Variants in TBC1D22A observed in about 807,000 individuals in gnomAD.
TBC1D22A encodes TBC1 domain family member 22A.
TBC1D22A carries 38 observed loss-of-function variants against 60.2 expected under a neutral mutation model. The observed-to-expected ratio is 0.63, with a 90% confidence interval of 0.49 to 0.83. The LOEUF (loss-of-function observed/expected upper bound fraction) is 0.83. Ranked by LOEUF, TBC1D22A falls within the 40% of genes least tolerant of loss-of-function variation. The probability of loss-of-function intolerance (pLI) is 0.00; values close to 1 mark genes in which losing one functional copy is unlikely to be tolerated. For synonymous variants in TBC1D22A, 302 were observed against 281.7 expected (o/e 1.07, Z -0.72); for missense variants, 628 against 701.0 (o/e 0.90, Z 1.18).
intron 1 of TBC1D22A, chr22:46,789,415 A>G (rs1264445687): frequency 1.1e-5 from 5 of 455,180 alleles, no homozygotes; most frequent in East Asian, 7.5e-5. Context: ...CTCCTGTGAC[A>G]TGCTCTTGTA....
intron 1 of TBC1D22A, among the ~76,000 whole-genome samples, chr22:46,785,635 C>G (rs1410924221): frequency 6.6e-6 from 1 of 152,200 alleles, no homozygotes; most frequent in Non-Finnish European, 1.5e-5. Context: ...CAAGTAACCA[C>G]TAATCTACGT....
At chr22:47,159,483 CACAG>C (rs1225407588) in intron 12 of TBC1D22A, among the ~76,000 whole-genome samples, 1 of 151,738 alleles carries the variant, frequency 6.6e-6, no homozygotes, top group Non-Finnish European at 1.5e-5. Context: ...CATGTAAACA[CACAG>C]ACAACACATA....
chr22:46,811,568 T>G (rs958710606), intron 4 of TBC1D22A, among the ~76,000 whole-genome samples: 1 of 152,088 alleles, frequency 6.6e-6, no homozygotes, highest in Non-Finnish European at 1.5e-5. Context: ...GCAGCAACAG[T>G]CACAAGCAAC....
At chr22:47,005,395 C>T (rs951796840) in intron 10 of TBC1D22A, among the ~76,000 whole-genome samples, 16 of 151,342 alleles carry the variant, frequency 1.1e-4, no homozygotes, top group South Asian at 8.4e-4. Flanking sequence ...CCCCTATGCA[C>T]GCACCAATAC....
At chr22:46,874,003 G>A (rs190305750) in intron 4 of TBC1D22A, among the ~76,000 whole-genome samples, 2 of 152,212 alleles carry the variant, frequency 1.3e-5, no homozygotes, top group African/African-American at 4.8e-5. Flanking sequence ...GTAGAGACGG[G>A]GTTTCACTGT....
intron 8 of TBC1D22A, among the ~76,000 whole-genome samples, chr22:46,946,127 C>A (rs1041178530): frequency 2.0e-5 from 3 of 152,188 alleles, no homozygotes; most frequent in African/African-American, 7.2e-5. Context: ...TGGAGTGTTG[C>A]TACCAGCTTC....
chr22:46,988,580 A>C lies in TBC1D22A; in HGVS notation c.1126-9054A>C, dbSNP rs567104410. Among the ~76,000 whole-genome samples, 11 of 152,326 alleles carry C rather than the reference A, an allele frequency of 7.2e-5. No homozygotes were observed. In the South Asian group the frequency reaches 2.3e-3, roughly 32 times the overall value. On this transcript the variant is annotated intron_variant, in intron 9 of 12. Transcript: ENST00000337137. ...TCAGAGCTCTTGGGGGACCAGGTGC[A>C]TTGTCCATGAGCAGGAATATTTTGA...
chr22:46,905,441 G>A (rs1404455850), intron 7 of TBC1D22A, among the ~76,000 whole-genome samples: 1 of 152,234 alleles, frequency 6.6e-6, no homozygotes. Flanking sequence ...CCTTTCATGA[G>A]CAAGTTGGTA....
intron 12 of TBC1D22A, among the ~76,000 whole-genome samples, chr22:47,123,135 CT>C (rs1479903383): frequency 6.6e-6 from 1 of 152,182 alleles, no homozygotes; most frequent in African/African-American, 2.4e-5. Flanking sequence ...TCTGCCAAGA[CT>C]TTGGGGCAGG....
At position 47,161,771 on chromosome 22, in the gene TBC1D22A, G is replaced by T. The variant is rs191121930; in HGVS notation, c.1426-11727G>T. Among the ~76,000 whole-genome samples the T allele has an allele frequency of 2.5e-3, 380 of 152,366 alleles. 1 individual carries two copies. The highest frequency in any genetic ancestry group is 8.8e-3 in the African/African-American group (367 of 41,582). On this transcript the variant is annotated intron_variant, in intron 12 of 12. Transcript: ENST00000337137. ...CCTTCTGCGCAAGTGTGTGCCGTGG[G>T]CTTGTGGACCCGACAGTGTGAGCTT...
chr22:46,897,185 T>C (rs569822324), intron 7 of TBC1D22A, among the ~76,000 whole-genome samples: 1 of 152,176 alleles, frequency 6.6e-6, no homozygotes, highest in South Asian at 2.1e-4. Context: ...AAAGCAGACA[T>C]TTATTGAAAA....
At chr22:46,949,417 G>T (rs561008102) in intron 8 of TBC1D22A, among the ~76,000 whole-genome samples, 1 of 152,134 alleles carries the variant, frequency 6.6e-6, no homozygotes, top group African/African-American at 2.4e-5. Flanking sequence ...GCCTGACCCC[G>T]TCCCCCATGT....
chr22:47,054,321 G>A (rs1458049725), intron 11 of TBC1D22A, among the ~76,000 whole-genome samples: 1 of 152,216 alleles, frequency 6.6e-6, no homozygotes, highest in Non-Finnish European at 1.5e-5. Flanking sequence ...GGAAGAGCTG[G>A]TGGAGACGAT....
At chr22:47,092,442 A>G (rs1365662164) in intron 11 of TBC1D22A, among the ~76,000 whole-genome samples, 2 of 152,190 alleles carry the variant, frequency 1.3e-5, no homozygotes, top group Non-Finnish European at 2.9e-5. Flanking sequence ...AATGAGTCCC[A>G]GGAGAGAGTG....
At chr22:46,812,941 T>C (rs2085445079) in intron 4 of TBC1D22A, among the ~76,000 whole-genome samples, 2 of 152,200 alleles carry the variant, frequency 1.3e-5, no homozygotes, top group African/African-American at 4.8e-5. Context: ...GCGTGTACGG[T>C]CTCTTTCCTG....
In TBC1D22A at chr22:47,017,654, A is replaced by T. The variant is rs74408826; in HGVS notation, c.1202-19417A>T. Among the ~76,000 whole-genome samples, 5 of 152,198 alleles carry T rather than the reference A, an allele frequency of 3.3e-5. No homozygotes were observed. In the East Asian group the frequency reaches 9.7e-4, roughly 29 times the overall value. The stretch of plus-strand genomic sequence containing the variant: ...CCATCAGAAAACGGAGGAAATTGTG[A>T]TTTGCTCCCAGTCTAAGGCGTTACG... On this transcript the variant is annotated intron_variant, in intron 10 of 12. Coordinates refer to ENST00000337137, the MANE Select transcript of TBC1D22A (RefSeq NM_014346.5).
chr22:46,877,901 G>A (rs1467890409), intron 4 of TBC1D22A, among the ~76,000 whole-genome samples: 2 of 152,196 alleles, frequency 1.3e-5, no homozygotes, highest in East Asian at 1.9e-4. Flanking sequence ...AAGGTCGATG[G>A]AATGCAGGGC....
At chr22:46,822,388 G>A (rs546903738) in intron 4 of TBC1D22A, among the ~76,000 whole-genome samples, 109 of 152,186 alleles carry the variant, frequency 7.2e-4, no homozygotes, top group Non-Finnish European at 1.3e-3. Context: ...GTCTAGTTTC[G>A]GTCTTTGAGG....
intron 1 of TBC1D22A, among the ~76,000 whole-genome samples, chr22:46,776,715 C>CA (rs2083721498): frequency 6.6e-6 from 1 of 151,758 alleles, no homozygotes; most frequent in African/African-American, 2.4e-5. Context: ...AGGGGACTGT[C>CA]AGGAAGTGCT....
Sources: gnomAD v4.1 joint callset for allele counts (sites outside exome capture counted in the v4.1 genomes callset) on GRCh38, gnomAD v4.1.1 for gene constraint, MANE v1.5 for transcripts, NCBI Gene and HGNC (gene_info 2026-07-23, HGNC 2026-07-21) for gene names.